GLDC: variants seen among roughly 807,000 people sequenced by gnomAD.
GLDC encodes glycine dehydrogenase (decarboxylating), mitochondrial.
Under a neutral mutation model 121.3 loss-of-function variants are expected in GLDC, and 104 were observed. That is an observed-to-expected ratio of 0.86 (90% CI 0.73 to 1.01). The LOEUF is 1.01. Among genes scored for constraint, GLDC ranks in the 50% least tolerant of loss-of-function variants. GLDC has a pLI of 0.00. For synonymous variants in GLDC, 546 were observed against 480.6 expected, an observed-to-expected ratio of 1.14 and a Z score of -1.78; for missense variants, 1,429 against 1,306.6, an observed-to-expected ratio of 1.09 and a Z score of -1.44.
At chr9:6,619,236 T>C (rs1819031142) in intron 3 of GLDC, among the ~76,000 whole-genome samples, 1 of 149,614 alleles carries the variant, frequency 6.7e-6, no homozygotes, top group Non-Finnish European at 1.5e-5. Context: ...TAACTGAGCA[T>C]GCATAGCTCA....
At chr9:6,590,486 G>A (rs1349923341) in intron 11 of GLDC, among the ~76,000 whole-genome samples, 1 of 152,094 alleles carries the variant, frequency 6.6e-6, no homozygotes. Flanking sequence ...GAACTGATGA[G>A]AAGTGATTGT....
In GLDC at chr9:6,563,469, C is replaced by T. The variant is rs1817796616; in HGVS notation, c.1926+1885G>A. On this transcript the variant is annotated intron_variant, in intron 16 of 24. Coordinates refer to ENST00000321612, the MANE Select transcript of GLDC (RefSeq NM_000170.3). The stretch of plus-strand genomic sequence containing the variant: ...CCAGCATCCCCAGGCTCCTGGGCAC[C>T]TCGTGGTGAAAGATACTAATGAAGA... 1.3e-5 allele frequency among the ~76,000 whole-genome samples: 2 copies of T among 152,160 alleles called. 1 individual carries two copies. The highest frequency in any genetic ancestry group is 4.1e-4 in the South Asian group (2 of 4,820).
intron 2 of GLDC, among the ~76,000 whole-genome samples, chr9:6,638,242 C>T (rs1352533433): frequency 2.0e-5 from 3 of 150,796 alleles, no homozygotes; most frequent in Admixed American, 1.3e-4. Context: ...GACAGAGTCT[C>T]ACTGTCGCCC....
chr9:6,597,945 A>G (rs1372650921), intron 8 of GLDC, among the ~76,000 whole-genome samples: 1 of 152,140 alleles, frequency 6.6e-6, no homozygotes. Context: ...AAAAAAAAAG[A>G]AATAAGAGAA....
chr9:6,538,898 T>G (rs114180432), intron 22 of GLDC, among the ~76,000 whole-genome samples: 3,532 of 152,322 alleles, frequency 0.023, 134 homozygotes, highest in African/African-American at 0.078. Flanking sequence ...AGGATGGGAT[T>G]GGTAATTTCA....
intron 15 of GLDC, among the ~76,000 whole-genome samples, chr9:6,581,380 A>ACTT (rs1818168094): frequency 6.6e-6 from 1 of 152,150 alleles, no homozygotes; most frequent in Non-Finnish European, 1.5e-5. Context: ...TCACCTCTGT[A>ACTT]CTTCTCCACT....
At chr9:6,634,447 T>C (rs1194633983) in intron 2 of GLDC, among the ~76,000 whole-genome samples, 1 of 151,958 alleles carries the variant, frequency 6.6e-6, no homozygotes. Context: ...GAGGATCGCT[T>C]GAGCCTGGGA....
intron 8 of GLDC, among the ~76,000 whole-genome samples, chr9:6,599,720 C>CAAAAAAAAAAAAAAAAAAAAAAAAAAAAA (rs549444099): frequency 8.3e-6 from 1 of 120,774 alleles, no homozygotes; most frequent in African/African-American, 3.3e-5. Context: ...GACTCCATCT[C>CAAAAAAAAAAAAAAAAAAAAAAAAAAAAA]AAAAAAAAAA....
chr9:6,627,885 G>C (rs1176942769), intron 2 of GLDC, among the ~76,000 whole-genome samples: 1 of 152,154 alleles, frequency 6.6e-6, no homozygotes, highest in African/African-American at 2.4e-5. Flanking sequence ...CCATTTCTCA[G>C]ACCCACTCAT....
intron 3 of GLDC, among the ~76,000 whole-genome samples, chr9:6,619,146 CAAAAAAAAAAAAAAAAAA>C (rs1162280442): frequency 4.4e-4 from 27 of 60,676 alleles, no homozygotes; most frequent in African/African-American, 1.6e-3. Context: ...CTGTCTCAGG[CAAAAAAAAAAAAAAAAAA>C]AAAAAAAAAA....
At chr9:6,642,672 G>C (rs758735935) in intron 2 of GLDC, among the ~76,000 whole-genome samples, 1 of 152,018 alleles carries the variant, frequency 6.6e-6, no homozygotes, top group Non-Finnish European at 1.5e-5. Context: ...ACTAAAAAAG[G>C]ATACACAACT....
At chr9:6,583,494 G>C (rs929823852) in intron 15 of GLDC, among the ~76,000 whole-genome samples, 1 of 152,124 alleles carries the variant, frequency 6.6e-6, no homozygotes, top group African/African-American at 2.4e-5. Flanking sequence ...GGGCAATGTA[G>C]TGAGACTCCT....
chr9:6,639,668 A>AAATAT, intron 2 of GLDC: 3 of 250,596 alleles, frequency 1.2e-5, no homozygotes, highest in East Asian at 1.1e-4. Flanking sequence ...ATAAAAAAAA[A>AAATAT]GTATATATAT....
At chr9:6,634,941 GA>G (rs1227271671) in intron 2 of GLDC, among the ~76,000 whole-genome samples, 2 of 152,112 alleles carry the variant, frequency 1.3e-5, no homozygotes, top group Admixed American at 1.3e-4. Context: ...TTAGAGGGGG[GA>G]AAATAAATCC....
chr9:6,620,529 T>C (rs566838306), intron 2 of GLDC, among the ~76,000 whole-genome samples: 2 of 152,080 alleles, frequency 1.3e-5, no homozygotes, highest in East Asian at 1.9e-4. Flanking sequence ...CTCCTCAAGG[T>C]TGGCCCCCCC....
At position 6,553,398 on chromosome 9, in the gene GLDC, G is replaced by GGAAC. The variant is rs755313904; in HGVS notation, c.2423_2426dup (p.Ile810PhefsTer19). Reference sequence around the variant, plus strand: ...TATAAGCCCAGGAAATGGGCAAGATGGAACTGGAGCCCCATGGGGCCGCAC... The same window carrying GGAAC: ...TATAAGCCCAGGAAATGGGCAAGATGGAACGAACTGGAGCCCCATGGGGCCGCAC... On this transcript the variant is annotated frameshift_variant, in exon 20 of 25. Transcript: ENST00000321612. LOFTEE classifies it high-confidence loss of function. 2.5e-6 allele frequency: 4 copies of GGAAC among 1,614,006 alleles called. No homozygotes were observed. Among genetic ancestry groups the GGAAC allele is most frequent in the Non-Finnish European group, 3.4e-6 (4 of 1,179,900 alleles).
At chr9:6,575,984 T>G (rs1164279295) in intron 15 of GLDC, among the ~76,000 whole-genome samples, 1 of 152,136 alleles carries the variant, frequency 6.6e-6, no homozygotes, top group Admixed American at 6.6e-5. Flanking sequence ...GTAGAACAAA[T>G]AAATAGGAGA....
intron 9 of GLDC, 131 bp downstream of exon 9, chr9:6,594,883 G>C (rs1040794438): frequency 2.8e-6 from 2 of 720,210 alleles, no homozygotes; most frequent in Non-Finnish European, 2.6e-6. Flanking sequence ...CATGGATGTT[G>C]AAAGTATTTT....
intron 19 of GLDC, among the ~76,000 whole-genome samples, chr9:6,554,432 T>G (rs1817576509): frequency 6.6e-6 from 1 of 152,224 alleles, no homozygotes; most frequent in Admixed American, 6.5e-5. Context: ...GCTGTCTATG[T>G]GCAACTGGAA....
Sources: gnomAD v4.1 joint callset for allele counts (sites outside exome capture counted in the v4.1 genomes callset) on GRCh38, gnomAD v4.1.1 for gene constraint, MANE v1.5 for transcripts, NCBI Gene and HGNC (gene_info 2026-07-23, HGNC 2026-07-21) for gene names.